PTPRG: variants seen among roughly 807,000 people sequenced by gnomAD.
PTPRG encodes receptor-type tyrosine-protein phosphatase gamma.
Under a neutral mutation model 165.3 loss-of-function variants are expected in PTPRG, and 102 were observed. The ratio of observed to expected loss-of-function variants is 0.62; its 90% CI spans 0.53 to 0.73. The LOEUF (loss-of-function observed/expected upper bound fraction) is 0.73. Ranked by LOEUF, PTPRG falls within the 30% of genes least tolerant of loss-of-function variation. The pLI, the probability that PTPRG is intolerant of heterozygous loss-of-function variation, is 0.00. For synonymous variants in PTPRG, 675 were observed against 669.5 expected, an observed-to-expected ratio of 1.01 and a Z score of -0.13; for missense variants, 1,866 against 1,861.4, an observed-to-expected ratio of 1.00 and a Z score of -0.05.
chr3:62,210,645 T>C lies in PTPRG; in HGVS notation c.2155+6695T>C, dbSNP rs1344490942. On this transcript the variant is annotated intron_variant, in intron 12 of 29. Coordinates refer to ENST00000474889, the MANE Select transcript of PTPRG (RefSeq NM_002841.4). This position sits in a 1 kb window ranked among gnomAD's most constrained non-coding sequence, Gnocchi z 4.1. ...TACACGAGTTTTCTTCTGTCTCTGC[T>C]ACCCCTGAGAGAGCAAGACCAACCC... Among the ~76,000 whole-genome samples, 1 of 152,178 alleles carries C rather than the reference T, an allele frequency of 6.6e-6. No individual in the cohort carries two copies. Among genetic ancestry groups the C allele is most frequent in the Admixed American group, 6.5e-5 (1 of 15,274 alleles).
At chr3:61,830,792 TC>T (rs1181917706) in intron 2 of PTPRG, among the ~76,000 whole-genome samples, 7 of 152,298 alleles carry the variant, frequency 4.6e-5, no homozygotes, top group Non-Finnish European at 2.9e-5. Flanking sequence ...CAGGCTGGTC[TC>T]GAACTCCCGA....
At chr3:62,036,983 G>GCACGCACA (rs1553707729) in intron 4 of PTPRG, among the ~76,000 whole-genome samples, 5 of 150,456 alleles carry the variant, frequency 3.3e-5, no homozygotes, top group Admixed American at 3.3e-4. Context: ...GCGCGCGCAC[G>GCACGCACA]CACACACACA....
intron 1 of PTPRG, among the ~76,000 whole-genome samples, chr3:61,575,221 G>A (rs146801388): frequency 2.0e-5 from 3 of 152,254 alleles, no homozygotes; most frequent in South Asian, 2.1e-4. Flanking sequence ...CTTATGATGC[G>A]AAGTGGAGGT....
intron 1 of PTPRG, among the ~76,000 whole-genome samples, chr3:61,613,973 C>T (rs1351015858): frequency 6.6e-6 from 1 of 152,224 alleles, no homozygotes; most frequent in Non-Finnish European, 1.5e-5. Flanking sequence ...GAGCAGTGCT[C>T]TCTAAATTTA....
chr3:61,624,671 A>T (rs1701558646), intron 1 of PTPRG, among the ~76,000 whole-genome samples: 1 of 152,204 alleles, frequency 6.6e-6, no homozygotes, highest in Non-Finnish European at 1.5e-5. Context: ...CCTGATACTT[A>T]ACCTCAGGTT....
At chr3:62,110,060 T>C (rs898029201) in intron 5 of PTPRG, among the ~76,000 whole-genome samples, 6 of 150,208 alleles carry the variant, frequency 4.0e-5, no homozygotes, top group African/African-American at 1.5e-4. Flanking sequence ...CCTTGTTCAG[T>C]AGCTCTCTCT....
At chr3:62,166,925 C>A (rs546322023) in intron 7 of PTPRG, among the ~76,000 whole-genome samples, 2 of 152,232 alleles carry the variant, frequency 1.3e-5, no homozygotes, top group South Asian at 4.2e-4. Context: ...TTCAAGCGAT[C>A]TTCCACCTCA....
chr3:62,166,729 A>G (rs1049482460), intron 7 of PTPRG, among the ~76,000 whole-genome samples: 2 of 152,092 alleles, frequency 1.3e-5, no homozygotes, highest in Non-Finnish European at 2.9e-5. Flanking sequence ...TCACTCTGTC[A>G]CCCAGACTGG....
At chr3:62,009,262 CAT>C (rs747743204) in intron 4 of PTPRG, among the ~76,000 whole-genome samples, 5 of 152,118 alleles carry the variant, frequency 3.3e-5, no homozygotes, top group Non-Finnish European at 7.3e-5. Context: ...CAGGTTAAAT[CAT>C]GTGTCTCCCT....
intron 1 of PTPRG, among the ~76,000 whole-genome samples, chr3:61,659,779 T>C (rs551435852): frequency 6.6e-6 from 1 of 152,332 alleles, no homozygotes; most frequent in East Asian, 1.9e-4. Context: ...CTAAACCAAA[T>C]AATACTAGTT....
At chr3:61,672,657 G>A (rs1170371554) in intron 1 of PTPRG, among the ~76,000 whole-genome samples, 2 of 149,860 alleles carry the variant, frequency 1.3e-5, no homozygotes, top group Admixed American at 6.7e-5. Flanking sequence ...GCAGTGAGCC[G>A]AGATGGCAGC....
rs1700894672 is a variant in PTPRG, at chr3:62,231,237, A to C, written c.2301A>C (p.Lys767Asn). ...AVLVYWRGCN[K>N]IKSKGFPRRF... is the part of the protein sequence containing the mutation. ...TTTGTCCATTTAGAGGGTGTAACAA[A>C]ATAAAGTCCAAGGGCTTTCCCAGAC... Residue 767 changes from lysine (K) to asparagine (N), a missense_variant, in exon 14 of 30, where the codon AAA becomes AAC. By Grantham distance (94) the Lys-to-Asn change is moderately conservative. This residue lies in a region of PTPRG where 1,452 missense variants were observed against 1,463.0 expected (regional missense o/e 0.99). Transcript: ENST00000474889. 2 of 1,577,200 alleles carry C rather than the reference A, an allele frequency of 1.3e-6. No individual in the cohort carries two copies. The highest frequency in any genetic ancestry group is 1.7e-6 in the Non-Finnish European group (2 of 1,161,942).
intron 2 of PTPRG, among the ~76,000 whole-genome samples, chr3:61,989,007 C>T (rs1299726869): frequency 6.6e-6 from 1 of 151,994 alleles, no homozygotes; most frequent in Admixed American, 6.6e-5. Context: ...AACTTTATAC[C>T]TGCATTTTCT....
intron 2 of PTPRG, among the ~76,000 whole-genome samples, chr3:61,912,062 T>A (rs2038814717): frequency 6.6e-6 from 1 of 152,162 alleles, no homozygotes. Context: ...TTTTTGTGAG[T>A]GGTGTAAGGA....
intron 2 of PTPRG, among the ~76,000 whole-genome samples, chr3:61,819,859 G>A (rs756122727): frequency 4.6e-5 from 7 of 152,132 alleles, no homozygotes; most frequent in Non-Finnish European, 1.0e-4. Flanking sequence ...TAATGTGTAT[G>A]GCCCTTATTT....
intron 1 of PTPRG, among the ~76,000 whole-genome samples, chr3:61,565,819 T>G (rs1699898811): frequency 6.6e-6 from 1 of 151,830 alleles, no homozygotes; most frequent in African/African-American, 2.4e-5. Context: ...AGCTGTCTCT[T>G]ATTTTATTTG....
intron 1 of PTPRG, among the ~76,000 whole-genome samples, chr3:61,745,069 T>TTTTTTTTTTTA (rs2033145578): frequency 6.7e-6 from 1 of 149,914 alleles, no homozygotes. Context: ...TTTTTTTTTT[T>TTTTTTTTTTTA]GAGACGGAGT....
intron 5 of PTPRG, among the ~76,000 whole-genome samples, chr3:62,121,889 C>G (rs1340833447): frequency 6.6e-6 from 1 of 152,212 alleles, no homozygotes; most frequent in African/African-American, 2.4e-5. Flanking sequence ...TGTTCTGCTA[C>G]AAATGGCACG....
intron 2 of PTPRG, among the ~76,000 whole-genome samples, chr3:61,779,254 T>C (rs1018510974): frequency 1.3e-5 from 2 of 152,158 alleles, no homozygotes; most frequent in Admixed American, 6.6e-5. Context: ...CTGAGCAAAC[T>C]GGGGAAACAT....
Sources: gnomAD v4.1 joint callset for allele counts (sites outside exome capture counted in the v4.1 genomes callset) on GRCh38, gnomAD v4.1.1 for gene constraint, gnomAD v4.1.1 regional missense constraint, Gnocchi (gnomAD v3.1) non-coding constraint, MANE v1.5 for transcripts, NCBI Gene and HGNC (gene_info 2026-07-23, HGNC 2026-07-21) for gene names.